Variants in GRID2 observed in about 807,000 individuals in gnomAD.
GRID2 encodes the protein glutamate receptor ionotropic, delta-2.
Under a neutral mutation model 114.8 loss-of-function variants are expected in GRID2, and 33 were observed. The observed-to-expected ratio is 0.29, with a 90% CI of 0.22 to 0.38. The LOEUF is 0.38. Ranked by LOEUF, GRID2 falls within the 10% of genes least tolerant of loss-of-function variation. The pLI, the probability that GRID2 is intolerant of heterozygous loss-of-function variation, is 1.00. For synonymous variants in GRID2, 505 were observed against 449.9 expected, an observed-to-expected ratio of 1.12 and a Z score of -1.55; for missense variants, 1,184 against 1,257.7, an observed-to-expected ratio of 0.94 and a Z score of 0.89.
chr4:93,091,022 C>A (rs1488511780), intron 3 of GRID2, among the ~76,000 whole-genome samples: 1 of 152,142 alleles, frequency 6.6e-6, no homozygotes, highest in Admixed American at 6.6e-5. Flanking sequence ...GGCTTGAAAT[C>A]TCTTTTTGTA....
intron 1 of GRID2, among the ~76,000 whole-genome samples, chr4:92,502,664 A>G (rs1257318937): frequency 6.7e-6 from 1 of 149,850 alleles, no homozygotes; most frequent in African/African-American, 2.4e-5. Flanking sequence ...ATAATAGTAT[A>G]ATTTTGCAAA....
intron 2 of GRID2, among the ~76,000 whole-genome samples, chr4:93,057,176 G>T (rs1258214445): frequency 6.6e-6 from 1 of 151,586 alleles, no homozygotes; most frequent in East Asian, 1.9e-4. Flanking sequence ...GTGTGTGTGT[G>T]TGTGTGTGTG....
At chr4:92,469,761 A>AT (rs996567479) in intron 1 of GRID2, among the ~76,000 whole-genome samples, 23 of 151,524 alleles carry the variant, frequency 1.5e-4, no homozygotes, top group East Asian at 3.9e-4. Flanking sequence ...AAGTTTCATA[A>AT]TTTTTTTTTC....
chr4:93,218,296 T>C (rs1251632907), intron 6 of GRID2, among the ~76,000 whole-genome samples: 2 of 151,902 alleles, frequency 1.3e-5, no homozygotes, highest in Admixed American at 1.3e-4. Context: ...ACCCAGAAGT[T>C]TGAGACCAGC....
intron 1 of GRID2, among the ~76,000 whole-genome samples, chr4:92,513,059 A>G (rs1259443866): frequency 6.6e-6 from 1 of 151,850 alleles, no homozygotes; most frequent in Non-Finnish European, 1.5e-5. Flanking sequence ...TAAACAGCAC[A>G]TTTGCAAGAT....
At chr4:92,819,435 G>C (rs1458102419) in intron 2 of GRID2, among the ~76,000 whole-genome samples, 1 of 151,946 alleles carries the variant, frequency 6.6e-6, no homozygotes, top group African/African-American at 2.4e-5. Flanking sequence ...GAGTGAATAG[G>C]GTTTAAAAAG....
At chr4:92,860,584 C>T (rs1744462990) in intron 2 of GRID2, among the ~76,000 whole-genome samples, 1 of 152,056 alleles carries the variant, frequency 6.6e-6, no homozygotes, top group South Asian at 2.1e-4. Flanking sequence ...CACCTTTTCT[C>T]TTGAAACTTA....
intron 4 of GRID2, among the ~76,000 whole-genome samples, chr4:93,202,617 G>A (rs1408509228): frequency 2.6e-5 from 4 of 152,108 alleles, no homozygotes; most frequent in African/African-American, 9.7e-5. Context: ...TGCCACTAGT[G>A]TGATAGAGCA....
chr4:93,425,684 C>T (rs1768775298), intron 10 of GRID2, among the ~76,000 whole-genome samples: 1 of 152,084 alleles, frequency 6.6e-6, no homozygotes, highest in Non-Finnish European at 1.5e-5. Context: ...CTGTGGCATC[C>T]TCCTTCTTGT....
chr4:92,779,243 G>A (rs558408817), intron 2 of GRID2, among the ~76,000 whole-genome samples: 5 of 148,446 alleles, frequency 3.4e-5, no homozygotes, highest in South Asian at 2.1e-4. Flanking sequence ...TGTCCTTAAC[G>A]GAATAAAGTC....
chr4:92,864,074 G>A (rs1043446611), intron 2 of GRID2, among the ~76,000 whole-genome samples: 6 of 152,094 alleles, frequency 3.9e-5, no homozygotes, highest in Non-Finnish European at 5.9e-5. Flanking sequence ...GTTACATAAC[G>A]TGTCTATCCA....
chr4:93,388,081 A>G (rs889612823), intron 8 of GRID2, among the ~76,000 whole-genome samples: 4 of 152,184 alleles, frequency 2.6e-5, no homozygotes, highest in Non-Finnish European at 2.9e-5. Context: ...CTTAACTACA[A>G]TATTACTGTA....
chr4:92,350,101 A>G (rs1727990016), intron 1 of GRID2, among the ~76,000 whole-genome samples: 1 of 151,556 alleles, frequency 6.6e-6, no homozygotes, highest in Admixed American at 6.6e-5. Context: ...CAACCTTTTC[A>G]TTTTTCTGTG....
intron 1 of GRID2, among the ~76,000 whole-genome samples, chr4:92,326,023 G>A (rs1299598728): frequency 6.6e-6 from 1 of 151,660 alleles, no homozygotes; most frequent in African/African-American, 2.4e-5. Context: ...CACATGAAAA[G>A]TATGCTTACA....
chr4:93,054,238 A>G (rs1727005656), intron 2 of GRID2, among the ~76,000 whole-genome samples: 1 of 151,968 alleles, frequency 6.6e-6, no homozygotes, highest in South Asian at 2.1e-4. Flanking sequence ...AAAAAATTTT[A>G]ATAACTGAAT....
Position 92,463,473 on chromosome 4 carries a change from T to C in GRID2, c.89-126658T>C, listed in dbSNP as rs563829131. On this transcript the variant is annotated intron_variant, in intron 1 of 15. Coordinates refer to ENST00000282020, the MANE Select transcript of GRID2 (RefSeq NM_001510.4). ...CATTCAGACAACTTTTGGGAAAACA[T>C]TTAAAAAATAAACTCAAAACTCCAC... Among the ~76,000 whole-genome samples the C allele has an allele frequency of 2.0e-5, 3 of 152,080 alleles. No homozygotes were observed. In the South Asian group the frequency reaches 6.2e-4, roughly 32 times the overall value.
At chr4:92,772,951 T>C (rs544596723) in intron 2 of GRID2, among the ~76,000 whole-genome samples, 1 of 152,326 alleles carries the variant, frequency 6.6e-6, no homozygotes, top group South Asian at 2.1e-4. Flanking sequence ...AGGCTTCATA[T>C]TGCTGGATAT....
intron 6 of GRID2, among the ~76,000 whole-genome samples, chr4:93,219,107 G>A (rs1744585089): frequency 6.6e-6 from 1 of 151,830 alleles, no homozygotes; most frequent in Admixed American, 6.6e-5. Context: ...CATTTTAACT[G>A]GTCATGGATA....
At chr4:92,692,396 G>A (rs1404236266) in intron 2 of GRID2, among the ~76,000 whole-genome samples, 1 of 152,062 alleles carries the variant, frequency 6.6e-6, no homozygotes, top group Non-Finnish European at 1.5e-5. Flanking sequence ...TAGCCATAAT[G>A]TTCTTTCAAG....
Sources: gnomAD v4.1 joint callset for allele counts (sites outside exome capture counted in the v4.1 genomes callset) on GRCh38, gnomAD v4.1.1 for gene constraint, MANE v1.5 for transcripts, NCBI Gene and HGNC (gene_info 2026-07-23, HGNC 2026-07-21) for gene names.